PTK2B: variants seen among roughly 807,000 people sequenced by gnomAD.
PTK2B encodes the protein protein tyrosine kinase 2 beta, also known as protein-tyrosine kinase 2-beta.
Under a neutral mutation model 142.9 loss-of-function variants are expected in PTK2B, and 71 were observed. That is an observed-to-expected ratio of 0.50 (90% CI 0.41 to 0.61). The LOEUF is 0.61. Among genes scored for constraint, PTK2B ranks in the 20% least tolerant of loss-of-function variants. The probability of loss-of-function intolerance (pLI) is 0.00; values close to 1 mark genes in which losing one functional copy is unlikely to be tolerated. For synonymous variants in PTK2B, 519 were observed against 503.4 expected (o/e 1.03, Z -0.42); for missense variants, 1,105 against 1,320.4 (o/e 0.84, Z 2.53).
chr8:27,430,273 C>T (rs1810327784), intron 6 of PTK2B, 91 bp from the exon 7 acceptor site: 2 of 1,592,842 alleles, frequency 1.3e-6, no homozygotes, highest in African/African-American at 1.3e-5. Context: ...TCTCTAGGTC[C>T]CAAAGCCCTC....
chr8:27,357,924 C>T (rs535558887), intron 1 of PTK2B, among the ~76,000 whole-genome samples: 14 of 152,170 alleles, frequency 9.2e-5, no homozygotes, highest in Non-Finnish European at 1.3e-4. Flanking sequence ...TATAGCTCCC[C>T]AGTCATGTGA....
intron 3 of PTK2B, among the ~76,000 whole-genome samples, chr8:27,316,293 GTTT>G (rs34431277): frequency 7.0e-6 from 1 of 142,846 alleles, no homozygotes; most frequent in African/African-American, 2.6e-5. Context: ...AAATTGCCTT[GTTT>G]TTTTTTTTTT....
intron 21 of PTK2B, among the ~76,000 whole-genome samples, chr8:27,441,400 A>G (rs1277609421): frequency 1.3e-5 from 2 of 152,186 alleles, no homozygotes; most frequent in Non-Finnish European, 2.9e-5. Flanking sequence ...GCTGAACCCT[A>G]CTTTAGGGAG....
At chr8:27,359,747 A>ATCTT (rs751951130) in intron 1 of PTK2B, among the ~76,000 whole-genome samples, 18 of 151,802 alleles carry the variant, frequency 1.2e-4, no homozygotes, top group Non-Finnish European at 2.6e-4. Flanking sequence ...CTCTCTCCCT[A>ATCTT]TCTTTCTTTC....
chr8:27,439,009 G>T (rs1205184275), intron 18 of PTK2B, 22 bp from the exon 19 acceptor site: 1 of 1,596,850 alleles, frequency 6.3e-7, no homozygotes, highest in Non-Finnish European at 8.6e-7. Context: ...GCCTCATCCT[G>T]GTCTTGATGC....
chr8:27,420,930 A>G (rs1809709055), intron 4 of PTK2B, among the ~76,000 whole-genome samples, 186 bp downstream of exon 4: 1 of 152,170 alleles, frequency 6.6e-6, no homozygotes, highest in African/African-American at 2.4e-5. Context: ...TTCTCTCAGT[A>G]TTTAAGCACT....
chr8:27,353,655 C>T (rs1409141439), intron 1 of PTK2B, among the ~76,000 whole-genome samples: 5 of 152,180 alleles, frequency 3.3e-5, no homozygotes, highest in Non-Finnish European at 7.3e-5. Flanking sequence ...GATGAGGCAA[C>T]TAGGGTAGGG....
chr8:27,405,035 CCTCTCTCTCTCT>C (rs3076734), intron 2 of PTK2B, among the ~76,000 whole-genome samples: 1 of 119,570 alleles, frequency 8.4e-6, no homozygotes, highest in East Asian at 2.4e-4. Context: ...TCTTTCTCTT[CCTCTCTCTCTCT>C]CTCTCTCTCT....
upstream of PTK2B, chr8:27,311,124 G>C: frequency 6.2e-7 from 1 of 1,601,368 alleles, no homozygotes; most frequent in South Asian, 1.1e-5. Flanking sequence ...CAGAAGTTGT[G>C]GCCGCAGCGC....
At chr8:27,432,232 T>TCTG (rs749929617) in intron 9 of PTK2B, 28 bp from the exon 10 acceptor site, 1 of 1,607,828 alleles carries the variant, frequency 6.2e-7, no homozygotes, top group South Asian at 1.1e-5. Context: ...AGTGGGATGG[T>TCTG]CTGAAGCTCC....
intron 17 of PTK2B, 42 bp from the exon 18 acceptor site, chr8:27,437,723 G>A (rs1810876670): frequency 1.9e-6 from 3 of 1,565,062 alleles, no homozygotes; most frequent in African/African-American, 2.7e-5. Context: ...CTCCATACTG[G>A]GACCAACCAG....
chr8:27,396,492 C>T (rs1233306591), intron 1 of PTK2B, among the ~76,000 whole-genome samples: 4 of 152,154 alleles, frequency 2.6e-5, no homozygotes, highest in African/African-American at 7.2e-5. Flanking sequence ...CCAGGCCAAA[C>T]GTTAGAAAAG....
chr8:27,354,093 C>T (rs980200270), intron 1 of PTK2B, among the ~76,000 whole-genome samples: 3 of 152,184 alleles, frequency 2.0e-5, no homozygotes, highest in Admixed American at 1.3e-4. Flanking sequence ...GCTGTCATTA[C>T]ATGTTGGCTT....
exon 1 of PTK2B, chr8:27,311,542 C>A (rs1450008798): frequency 2.5e-5 from 11 of 440,680 alleles, no homozygotes; most frequent in Non-Finnish European, 8.0e-6. Context: ...GAAGGGTCTC[C>A]CAGGCGGCGT....
chr8:27,445,882 T>C lies in PTK2B; in HGVS notation c.2303T>C (p.Leu768Pro), dbSNP rs777131140. Residue 768 changes from leucine to proline, a missense_variant, in exon 24 of 31, where the codon CTC (leucine) becomes CCC (proline). Leu to Pro is a moderately conservative substitution (Grantham distance 98). Coordinates refer to ENST00000346049, the MANE Select transcript of PTK2B (RefSeq NM_173176.3). The stretch of plus-strand genomic sequence containing the variant: ...GTTAACTCACTGCACACCCCACCTC[T>C]CCACCGGCACAATGTCTTCAAACGC... ...SPVNSLHTPP[L>P]HRHNVFKRHS... 6.2e-7 allele frequency: 1 copy of C among 1,613,858 alleles called. No homozygotes were observed. Among genetic ancestry groups the C allele is most frequent in the Non-Finnish European group, 8.5e-7 (1 of 1,180,028 alleles).
At chr8:27,342,608 C>T (rs997170398) in intron 1 of PTK2B, among the ~76,000 whole-genome samples, 2 of 152,198 alleles carry the variant, frequency 1.3e-5, no homozygotes, top group Non-Finnish European at 2.9e-5. Context: ...CCTAAATTCC[C>T]ACCTCTCAGA....
chr8:27,341,076 G>A (rs994602452), intron 1 of PTK2B, among the ~76,000 whole-genome samples: 3 of 152,256 alleles, frequency 2.0e-5, no homozygotes, highest in South Asian at 2.1e-4. Flanking sequence ...CTATTCCATC[G>A]GGATGATGAC....
At chr8:27,320,980 CTTTTTTTT>C (rs776395346), upstream of PTK2B, among the ~76,000 whole-genome samples, 37 of 39,398 alleles carry the variant, frequency 9.4e-4, no homozygotes, top group African/African-American at 3.0e-3. Flanking sequence ...ATACAAAAGG[CTTTTTTTT>C]TTTTTTTTTT....
Position 27,439,484 on chromosome 8 carries a change from G to C in PTK2B, c.1834+86G>C. On this transcript the variant is annotated intron_variant, in intron 20 of 30. Transcript: ENST00000346049. ...AAGGGGGTGGGTGCAGGGAGCAGGG[G>C]TCTGACCTCCACCCTCCGTTCCCAG... 4.3e-6 allele frequency: 6 copies of C among 1,387,512 alleles called. No homozygotes were observed. In the South Asian group the frequency reaches 7.0e-5, roughly 16 times the overall value. The allele number at this position is 1,387,512 out of a possible 1,614,324, so 86.0% of individuals were successfully genotyped here.
Sources: allele counts gnomAD v4.1 joint callset (sites outside exome capture counted in the v4.1 genomes callset), GRCh38; gene constraint gnomAD v4.1.1; transcripts MANE v1.5; gene names NCBI Gene and HGNC (gene_info 2026-07-23, HGNC 2026-07-21).